Variants in BRIP1 observed in about 807,000 individuals in gnomAD.
BRIP1 encodes the protein Fanconi anemia group J protein.
In BRIP1, 88 loss-of-function variants were observed where a neutral mutation model predicts 119.7. The observed-to-expected ratio is 0.74, with a 90% confidence interval of 0.62 to 0.88. BRIP1 has a LOEUF of 0.88. Ranked by LOEUF, BRIP1 falls within the 40% of genes least tolerant of loss-of-function variation. BRIP1 has a pLI of 0.00. For synonymous variants in BRIP1, 443 were observed against 496.5 expected (o/e 0.89, Z 1.43); for missense variants, 1,259 against 1,455.4 (o/e 0.87, Z 2.20).
rs921654854 is a variant in BRIP1 at position 61,740,533 on chromosome 17, G to T, written c.2379+2480C>A. Among the ~76,000 whole-genome samples the T allele has an allele frequency of 1.3e-5, 2 of 152,068 alleles. No individual in the cohort carries two copies. Among genetic ancestry groups the T allele is most frequent in the Non-Finnish European group, 2.9e-5 (2 of 68,016 alleles). The stretch of plus-strand genomic sequence containing the variant: ...TTCTCACTCATTCAGATTCACCAAA[G>T]ATTTAAAAATGTCTAAGGATACAGG... On this transcript the variant is annotated intron_variant, in intron 16 of 19. Transcript: ENST00000259008. The surrounding 1 kb of genome is among the most constrained non-coding windows in gnomAD (Gnocchi z 5.4).
In BRIP1 at chr17:61,859,890, G is replaced by T; in HGVS notation, c.111C>A (p.Asn37Lys). Reference sequence around the variant, plus strand: ...TCTCCAACAAACAATGTTGCTTGCTGTTTAATCCTCTGAGAATCTATGAAC... The same window carrying T: ...TCTCCAACAAACAATGTTGCTTGCTTTTTAATCCTCTGAGAATCTATGAAC... The part of the protein sequence containing the change: ...AMMNSILRGL[N>K]SKQHCLLESP... Residue 37 changes from asparagine to lysine, a missense_variant, in exon 3 of 20, where the codon AAC becomes AAA. Around this residue, in one of 3 missense-constraint regions of BRIP1, gnomAD observed 501 missense variants for 544.0 expected, o/e 0.92. Coordinates refer to ENST00000259008, the MANE Select transcript of BRIP1 (RefSeq NM_032043.3). The T allele has an allele frequency of 6.2e-7, 1 of 1,612,080 alleles. No individual in the cohort carries two copies. The highest frequency in any genetic ancestry group is 8.5e-7 in the Non-Finnish European group (1 of 1,178,182).
At chr17:61,771,897 G>A (rs973932824) in intron 14 of BRIP1, among the ~76,000 whole-genome samples, 3 of 152,006 alleles carry the variant, frequency 2.0e-5, no homozygotes, top group Non-Finnish European at 4.4e-5. Context: ...GGAAAGCGGA[G>A]GTTGCAATGA....
At position 61,803,706 on chromosome 17, in the gene BRIP1, T is replaced by C. The variant is rs1489780405; in HGVS notation, c.919-2232A>G. On this transcript the variant is annotated intron_variant, in intron 7 of 19. Transcript: ENST00000259008. The surrounding 1 kb of genome is among the most constrained non-coding windows in gnomAD (Gnocchi z 4.3). ...CCCTAACAAGTGTCTCATATACTAT[T>C]AAAAATGTACAAAATTAGAAAAGTA... Among the ~76,000 whole-genome samples, 2 of 152,140 alleles carry C rather than the reference T, an allele frequency of 1.3e-5. No individual in the cohort carries two copies. Among genetic ancestry groups the C allele is most frequent in the African/African-American group, 4.8e-5 (2 of 41,448 alleles).
At position 61,834,261 on chromosome 17, in the gene BRIP1, G is replaced by A; in HGVS notation, c.627+12840C>T. On this transcript the variant is annotated intron_variant, in intron 6 of 19. Coordinates refer to ENST00000259008, the MANE Select transcript of BRIP1 (RefSeq NM_032043.3). This position sits in a 1 kb window ranked among gnomAD's most constrained non-coding sequence, Gnocchi z 4.4. ...GGGAGGGAGTATATATGTAATATATGTGTAATATATGTCATATATACTACA... is the reference window on the plus strand; with the variant it reads ...GGGAGGGAGTATATATGTAATATATATGTAATATATGTCATATATACTACA... 6.6e-6 allele frequency among the ~76,000 whole-genome samples: 1 copy of A among 152,152 alleles called. No homozygotes were observed. Among genetic ancestry groups the A allele is most frequent in the South Asian group, 2.1e-4 (1 of 4,826 alleles).
Position 61,778,039 on chromosome 17 carries a change from T to C in BRIP1, c.1936-1477A>G, listed in dbSNP as rs111628480. 2.0e-5 allele frequency among the ~76,000 whole-genome samples: 3 copies of C among 152,164 alleles called. No individual in the cohort carries two copies. Among genetic ancestry groups the C allele is most frequent in the African/African-American group, 7.2e-5 (3 of 41,508 alleles). On this transcript the variant is annotated intron_variant, in intron 13 of 19. Coordinates refer to ENST00000259008, the MANE Select transcript of BRIP1 (RefSeq NM_032043.3). The surrounding 1 kb of genome is among the most constrained non-coding windows in gnomAD (Gnocchi z 4.4). The stretch of plus-strand genomic sequence containing the variant: ...TTGGAGATTCTAAGGATTTTAGGAG[T>C]TGTATGCCAGGAAATGGAGTGGAAG...
Position 61,795,698 on chromosome 17 carries a change from T to C in BRIP1, c.1341-1969A>G, listed in dbSNP as rs555345166. On this transcript the variant is annotated intron_variant, in intron 9 of 19. Transcript: ENST00000259008. The surrounding 1 kb of genome is among the most constrained non-coding windows in gnomAD (Gnocchi z 5.6). ...GCTTTCAAATCTTGACTATTGTGAA[T>C]AGTGCTGCAGCAAACATGGGAGTAT... Among the ~76,000 whole-genome samples, 2 of 152,304 alleles carry C rather than the reference T, an allele frequency of 1.3e-5. No individual in the cohort carries two copies. Among genetic ancestry groups the C allele is most frequent in the African/African-American group, 4.8e-5 (2 of 41,578 alleles).
In BRIP1 at chr17:61,693,378, A is replaced by G; in HGVS notation, c.2575+52T>C. On this transcript the variant is annotated intron_variant, in intron 18 of 19. Transcript: ENST00000259008. This position sits in a 1 kb window ranked among gnomAD's most constrained non-coding sequence, Gnocchi z 4.2. ...ATGTTATGTGTTTTTCACCACAATAAAAATATGAAGATTGTTACTAGTTTT... is the reference window on the plus strand; with the variant it reads ...ATGTTATGTGTTTTTCACCACAATAGAAATATGAAGATTGTTACTAGTTTT... 1.3e-6 allele frequency: 2 copies of G among 1,483,816 alleles called. No homozygotes were observed. Among genetic ancestry groups the G allele is most frequent in the Non-Finnish European group, 9.4e-7 (1 of 1,061,596 alleles). 91.9% of individuals were successfully genotyped at this position (1,483,816 alleles called of 1,614,324 possible). A position where few individuals can be genotyped will look rare whatever the true frequency, so the allele number is the denominator to read the frequency against.
At chr17:61,692,499 A>C (rs1024255412) in intron 18 of BRIP1, among the ~76,000 whole-genome samples, 1 of 152,158 alleles carries the variant, frequency 6.6e-6, no homozygotes, top group Non-Finnish European at 1.5e-5. Flanking sequence ...AACCAAACCA[A>C]AAAAACAGAT....
chr17:61,838,239 G>A (rs535254242), intron 6 of BRIP1, among the ~76,000 whole-genome samples: 44 of 152,142 alleles, frequency 2.9e-4, no homozygotes, highest in Admixed American at 2.6e-3. Flanking sequence ...TAGGAAAAGC[G>A]TCCTTAGAAT....
chr17:61,723,897 T>G (rs1463936009), intron 16 of BRIP1, among the ~76,000 whole-genome samples: 2 of 152,102 alleles, frequency 1.3e-5, no homozygotes, highest in African/African-American at 2.4e-5. Flanking sequence ...TAATTAAAAT[T>G]TATTTGCTAC....
Position 61,705,911 on chromosome 17 carries a change from T to C in BRIP1, c.2492+10040A>G, listed in dbSNP as rs1472528663. Among the ~76,000 whole-genome samples, 1 of 152,198 alleles carries C rather than the reference T, an allele frequency of 6.6e-6. No homozygotes were observed. The highest frequency in any genetic ancestry group is 2.4e-5 in the African/African-American group (1 of 41,466). On this transcript the variant is annotated intron_variant, in intron 17 of 19. Transcript: ENST00000259008. The surrounding 1 kb of genome is among the most constrained non-coding windows in gnomAD (Gnocchi z 5.0). Reference sequence around the variant, plus strand: ...GATTACTAGTTTAATTCCATTACAGTCAGAGAACATACTGGACTTGAGTTG... The same window carrying C: ...GATTACTAGTTTAATTCCATTACAGCCAGAGAACATACTGGACTTGAGTTG...
Position 61,767,379 on chromosome 17 carries a change from C to T in BRIP1, c.2097+9022G>A, listed in dbSNP as rs548848177. On this transcript the variant is annotated intron_variant, in intron 14 of 19. Coordinates refer to ENST00000259008, the MANE Select transcript of BRIP1 (RefSeq NM_032043.3). The surrounding 1 kb of genome is among the most constrained non-coding windows in gnomAD (Gnocchi z 5.7). ...GCAGCCTCAAACTTCTGGGCTCAAG[C>T]GATCCTCCCATCTCAGCCTCCTAAG... 2.6e-5 allele frequency among the ~76,000 whole-genome samples: 4 copies of T among 152,000 alleles called. No individual in the cohort carries two copies. Among genetic ancestry groups the T allele is most frequent in the African/African-American group, 4.8e-5 (2 of 41,396 alleles).
At chr17:61,797,148 C>G (rs538354609) in intron 9 of BRIP1, among the ~76,000 whole-genome samples, 3 of 151,862 alleles carry the variant, frequency 2.0e-5, no homozygotes, top group African/African-American at 7.2e-5. Context: ...TAGGTTCAGG[C>G]CTCACCAGTA....
rs1213508222 is a variant in BRIP1, at chr17:61,699,849, A to C, written c.2493-6337T>G. Among the ~76,000 whole-genome samples, 1 of 152,222 alleles carries C rather than the reference A, an allele frequency of 6.6e-6. No homozygotes were observed. Among genetic ancestry groups the C allele is most frequent in the Admixed American group, 6.5e-5 (1 of 15,284 alleles). ...GGAAACTGCTAGGCAGAGGCTGCCT[A>C]TATGACCAGCCCCAGTAAAATCCCT... is the stretch of plus-strand genomic sequence containing the variant. On this transcript the variant is annotated intron_variant, in intron 17 of 19. Coordinates refer to ENST00000259008, the MANE Select transcript of BRIP1 (RefSeq NM_032043.3). The surrounding 1 kb of genome is among the most constrained non-coding windows in gnomAD (Gnocchi z 4.8).
Position 61,842,374 on chromosome 17 carries a change from T to C in BRIP1, c.627+4727A>G, listed in dbSNP as rs762252925. Among the ~76,000 whole-genome samples the C allele has an allele frequency of 9.2e-5, 14 of 152,158 alleles. No homozygotes were observed. Among genetic ancestry groups the C allele is most frequent in the Non-Finnish European group, 1.8e-4 (12 of 68,024 alleles). The stretch of plus-strand genomic sequence containing the variant: ...AGGAGGAATAAGTTCTGGTATTCTA[T>C]AGCACTCTAGGGTAAATATGGTTAA... On this transcript the variant is annotated intron_variant, in intron 6 of 19. Coordinates refer to ENST00000259008, the MANE Select transcript of BRIP1 (RefSeq NM_032043.3). The surrounding 1 kb of genome is among the most constrained non-coding windows in gnomAD (Gnocchi z 5.1).
At chr17:61,818,336 C>A (rs1476584026) in intron 6 of BRIP1, among the ~76,000 whole-genome samples, 1 of 152,170 alleles carries the variant, frequency 6.6e-6, no homozygotes, top group Non-Finnish European at 1.5e-5. Flanking sequence ...ATATCCCCTG[C>A]TGAAAGGCTG....
In BRIP1 at chr17:61,803,235, A is replaced by G. The variant is rs528990908; in HGVS notation, c.919-1761T>C. ...TCAGCCACCAAGTAGCTGGAACCACAAGTGCATCACCACATATGGCTCCTT... is the reference window on the plus strand; with the variant it reads ...TCAGCCACCAAGTAGCTGGAACCACGAGTGCATCACCACATATGGCTCCTT... On this transcript the variant is annotated intron_variant, in intron 7 of 19. Coordinates refer to ENST00000259008, the MANE Select transcript of BRIP1 (RefSeq NM_032043.3). The surrounding 1 kb of genome is among the most constrained non-coding windows in gnomAD (Gnocchi z 4.3). Among the ~76,000 whole-genome samples, 106 of 152,182 alleles carry G rather than the reference A, an allele frequency of 7.0e-4. No homozygotes were observed. The highest frequency in any genetic ancestry group is 2.3e-3 in the African/African-American group (96 of 41,524).
In BRIP1 at chr17:61,726,624, A is replaced by C. The variant is rs576832425; in HGVS notation, c.2380-10561T>G. On this transcript the variant is annotated intron_variant, in intron 16 of 19. Coordinates refer to ENST00000259008, the MANE Select transcript of BRIP1 (RefSeq NM_032043.3). The surrounding 1 kb of genome is among the most constrained non-coding windows in gnomAD (Gnocchi z 6.2). ...GTGGCTACTTTTTCATCAAGTGTCA[A>C]TGAAAATATATACATTGGCAGAATA... 6.6e-6 allele frequency among the ~76,000 whole-genome samples: 1 copy of C among 152,340 alleles called. No homozygotes were observed. Among genetic ancestry groups the C allele is most frequent in the African/African-American group, 2.4e-5 (1 of 41,590 alleles).
chr17:61,680,489 T>TTTTTA lies in BRIP1; in HGVS notation c.*2806_*2807insTAAAA. 6.9e-6 allele frequency among the ~76,000 whole-genome samples: 1 copy of TTTTTA among 145,202 alleles called. No individual in the cohort carries two copies. Among genetic ancestry groups the TTTTTA allele is most frequent in the South Asian group, 2.3e-4 (1 of 4,436 alleles). On this transcript the variant is annotated 3_prime_UTR_variant, in exon 20 of 20. Transcript: ENST00000259008. Reference sequence around the variant, plus strand: ...ATTCTAAAGGTAATTTCTTTTTTTTTTTTTTTTTGAGACGGAGTCCCGCTC... The same window carrying TTTTTA: ...ATTCTAAAGGTAATTTCTTTTTTTTTTTTTATTTTTTTTGAGACGGAGTCCCGCTC...
Sources: allele counts gnomAD v4.1 joint callset (sites outside exome capture counted in the v4.1 genomes callset), GRCh38; gene constraint gnomAD v4.1.1; regional missense constraint gnomAD v4.1.1; non-coding constraint Gnocchi (gnomAD v3.1); transcripts MANE v1.5; gene names NCBI Gene and HGNC (gene_info 2026-07-23, HGNC 2026-07-21).